GLI2: variants seen among roughly 807,000 people sequenced by gnomAD.
GLI2 encodes the protein transcription activator GLI2.
In GLI2, 22 loss-of-function variants were observed where a neutral mutation model predicts 78.9. That is an observed-to-expected ratio of 0.28 (90% CI 0.20 to 0.40). The LOEUF is 0.40. Among genes scored for constraint, GLI2 ranks in the 10% least tolerant of loss-of-function variants. GLI2 has a pLI of 1.00. For missense variants in GLI2, 2,097 were observed against 2,213.2 expected, an observed-to-expected ratio of 0.95 and a Z score of 1.05; for synonymous variants, 974 against 963.7, an observed-to-expected ratio of 1.01 and a Z score of -0.20.
At chr2:120,789,538 T>A (rs1684090208) in intron 1 of GLI2, among the ~76,000 whole-genome samples, 2 of 152,190 alleles carry the variant, frequency 1.3e-5, no homozygotes, top group African/African-American at 4.8e-5. Context: ...CCTCCTCAGG[T>A]AGCCCGCCCT....
intron 2 of GLI2, among the ~76,000 whole-genome samples, chr2:120,920,693 G>A (rs896442949): frequency 7.3e-6 from 1 of 137,502 alleles, no homozygotes; most frequent in Non-Finnish European, 1.5e-5. Context: ...GGCTTTCTGT[G>A]TAGGATCAAA....
chr2:120,990,345 G>C lies in GLI2; in HGVS notation c.4380G>C (p.Gln1460His). Residue 1460 changes from glutamine to histidine, a missense_variant, in exon 14 of 14, where the codon CAG (glutamine) becomes CAC (histidine). Gln to His is a conservative substitution (Grantham distance 24). This residue lies in a region of GLI2 where 1,290 missense variants were observed against 1,261.7 expected (regional missense o/e 1.02). Coordinates refer to ENST00000361492, the MANE Select transcript of GLI2 (RefSeq NM_001374353.1). ...QVMRSQPPQP[Q>H]ACQDSIQPQP... ...TGCGGTCCCAGCCACCACAGCCACAGGCCTGTCAGGACAGCATCCAGCCCC... is the reference window on the plus strand; with the variant it reads ...TGCGGTCCCAGCCACCACAGCCACACGCCTGTCAGGACAGCATCCAGCCCC... 1 of 1,614,000 alleles carries C rather than the reference G, an allele frequency of 6.2e-7. No individual in the cohort carries two copies. Among genetic ancestry groups the C allele is most frequent in the Non-Finnish European group, 8.5e-7 (1 of 1,180,044 alleles).
chr2:120,860,239 G>GTAA (rs2104638166), intron 2 of GLI2, among the ~76,000 whole-genome samples: 1 of 152,320 alleles, frequency 6.6e-6, no homozygotes, highest in East Asian at 1.9e-4. Context: ...GGTGTTTAGA[G>GTAA]TAAGGTCAAG....
At chr2:120,819,075 G>A (rs1195534476) in intron 2 of GLI2, among the ~76,000 whole-genome samples, 1 of 152,180 alleles carries the variant, frequency 6.6e-6, no homozygotes, top group Non-Finnish European at 1.5e-5. Context: ...CCTCTGAGAT[G>A]TAGGTTTAGG....
chr2:120,964,723 A>G (rs1283651302), intron 5 of GLI2, among the ~76,000 whole-genome samples: 2 of 152,228 alleles, frequency 1.3e-5, no homozygotes, highest in East Asian at 3.9e-4. Context: ...ACAGGAGGAG[A>G]GGACGAGGAG....
intron 1 of GLI2, among the ~76,000 whole-genome samples, 180 bp from the exon 2 acceptor site, chr2:120,797,111 A>G (rs944994030): frequency 2.0e-5 from 3 of 152,234 alleles, no homozygotes; most frequent in Non-Finnish European, 2.9e-5. Flanking sequence ...GGTCGTTCAG[A>G]AGACCAGACG....
intron 2 of GLI2, 103 bp from the exon 3 acceptor site, chr2:120,927,258 T>G: frequency 1.2e-6 from 1 of 859,630 alleles, no homozygotes; most frequent in Non-Finnish European, 2.0e-6. Context: ...TTGTCCTGGC[T>G]GCTCTTGCTA....
intron 2 of GLI2, among the ~76,000 whole-genome samples, chr2:120,808,412 C>T (rs1685062911): frequency 6.6e-6 from 1 of 152,148 alleles, no homozygotes; most frequent in African/African-American, 2.4e-5. Context: ...GTGACCTCTC[C>T]CCAGTGGCTC....
chr2:120,789,980 T>G (rs1294117630), intron 1 of GLI2, among the ~76,000 whole-genome samples: 1 of 152,180 alleles, frequency 6.6e-6, no homozygotes, highest in Non-Finnish European at 1.5e-5. Context: ...GCTTGAAGGT[T>G]TTGTTGTCTT....
chr2:120,761,662 A>G (rs1573352161), intron 1 of GLI2, among the ~76,000 whole-genome samples: 1 of 152,022 alleles, frequency 6.6e-6, no homozygotes, highest in African/African-American at 2.4e-5. Flanking sequence ...CGGGAGAGCC[A>G]CCTCCCCTGC....
rs74458303 is a variant in GLI2, at chr2:120,942,288, G to A, written c.255-8955G>A. On this transcript the variant is annotated intron_variant, in intron 3 of 13. Coordinates refer to ENST00000361492, the MANE Select transcript of GLI2 (RefSeq NM_001374353.1). ...AAATCAGTATCACTGGAACAAGATC[G>A]AGGTGTCACCAGGGCTGTGCACCCT... Among the ~76,000 whole-genome samples, 1,039 of 152,230 alleles carry A rather than the reference G, an allele frequency of 6.8e-3. 6 individuals carry two copies. The highest frequency in any genetic ancestry group is 0.011 in the Non-Finnish European group (770 of 68,010).
chr2:120,957,731 G>A (rs879869170), intron 5 of GLI2, among the ~76,000 whole-genome samples: 34 of 152,366 alleles, frequency 2.2e-4, no homozygotes, highest in Admixed American at 9.8e-4. Flanking sequence ...GTGTGCACGT[G>A]TGTGTACGTG....
At chr2:120,877,056 C>T (rs1053689110) in intron 2 of GLI2, among the ~76,000 whole-genome samples, 5 of 152,342 alleles carry the variant, frequency 3.3e-5, no homozygotes, top group African/African-American at 1.2e-4. Context: ...AGCGGGGCCT[C>T]GGCCTTGGGT....
intron 1 of GLI2, among the ~76,000 whole-genome samples, chr2:120,782,989 A>T (rs1302192811): frequency 6.6e-6 from 1 of 152,104 alleles, no homozygotes; most frequent in African/African-American, 2.4e-5. Context: ...TGGGCCATTG[A>T]TTGGAAAGAC....
intron 2 of GLI2, among the ~76,000 whole-genome samples, chr2:120,818,480 C>T (rs1573425337): frequency 6.6e-6 from 1 of 152,226 alleles, no homozygotes; most frequent in East Asian, 1.9e-4. Context: ...AGGACTGAAC[C>T]ACACAAGGCC....
chr2:120,799,681 G>C (rs1462479511), intron 2 of GLI2, among the ~76,000 whole-genome samples: 1 of 152,228 alleles, frequency 6.6e-6, no homozygotes, highest in East Asian at 1.9e-4. Flanking sequence ...GATTTGACAG[G>C]TGTTGTCCAC....
chr2:120,832,709 AC>A (rs1342268823), intron 2 of GLI2, among the ~76,000 whole-genome samples: 3 of 151,660 alleles, frequency 2.0e-5, no homozygotes, highest in African/African-American at 7.3e-5. Flanking sequence ...GAAGAGACAA[AC>A]CTGGGCTGGA....
chr2:120,966,702 C>T lies in GLI2; in HGVS notation c.644-2012C>T, dbSNP rs568508254. Among the ~76,000 whole-genome samples, 103 of 152,320 alleles carry T rather than the reference C, an allele frequency of 6.8e-4. 1 individual carries two copies. Among genetic ancestry groups the T allele is most frequent in the Admixed American group, 5.4e-3 (82 of 15,306 alleles). ...GCCGGGCATGGTTGCCTCGAGGGGC[C>T]AACATGGATCCCAGGGCTTGCGGCT... On this transcript the variant is annotated intron_variant, in intron 5 of 13. Coordinates refer to ENST00000361492, the MANE Select transcript of GLI2 (RefSeq NM_001374353.1).
intron 2 of GLI2, among the ~76,000 whole-genome samples, chr2:120,849,309 A>G (rs367769232): frequency 1.1e-4 from 16 of 152,346 alleles, no homozygotes; most frequent in African/African-American, 3.8e-4. Context: ...AATGGTTAAA[A>G]TGGTAAGTCT....
Sources: allele counts gnomAD v4.1 joint callset (sites outside exome capture counted in the v4.1 genomes callset), GRCh38; gene constraint gnomAD v4.1.1; regional missense constraint gnomAD v4.1.1; transcripts MANE v1.5; gene names NCBI Gene and HGNC (gene_info 2026-07-23, HGNC 2026-07-21).